The following EFCAB5 variants were observed in gnomAD, a reference collection of about 807,000 sequenced individuals.
EFCAB5 encodes EF-hand calcium-binding domain-containing protein 5.
EFCAB5 carries 131 observed loss-of-function variants against 167.9 expected under a neutral mutation model. The observed-to-expected ratio is 0.78, with a 90% confidence interval of 0.68 to 0.90. The LOEUF is 0.90. EFCAB5 is among the 40% of genes least tolerant of loss of function. The pLI is 0.00. For synonymous variants in EFCAB5, 574 were observed against 602.8 expected, an observed-to-expected ratio of 0.95 and a Z score of 0.70; for missense variants, 1,663 against 1,745.2, an observed-to-expected ratio of 0.95 and a Z score of 0.84.
intron 7 of EFCAB5, among the ~76,000 whole-genome samples, chr17:30,017,932 T>A (rs917401989): frequency 3.3e-5 from 5 of 152,174 alleles, no homozygotes; most frequent in African/African-American, 9.6e-5. Context: ...TTACAATGTG[T>A]TTTGCTATTC....
At chr17:30,022,797 A>C (rs560256023) in intron 7 of EFCAB5, among the ~76,000 whole-genome samples, 133 of 152,342 alleles carry the variant, frequency 8.7e-4, no homozygotes, top group African/African-American at 2.9e-3. Flanking sequence ...GAACACTAGC[A>C]AATGTAAAAG....
chr17:30,004,076 C>G (rs1044367081), intron 7 of EFCAB5, among the ~76,000 whole-genome samples: 2 of 152,200 alleles, frequency 1.3e-5, no homozygotes, highest in Non-Finnish European at 2.9e-5. Context: ...AGACTGAATA[C>G]CAGGTCACCA....
chr17:30,085,537 G>A (rs1188449948), intron 18 of EFCAB5, among the ~76,000 whole-genome samples: 1 of 152,076 alleles, frequency 6.6e-6, no homozygotes, highest in African/African-American at 2.4e-5. Context: ...TGGCTAACAT[G>A]GTGAAACCCC....
rs375727099 is a variant in EFCAB5 at position 30,053,895 on chromosome 17, A to G, written c.1941A>G (p.Pro647=). ...TCAGAGAGTCAGTAATAGAAGAACC[A>G]TACCAAAAATCAGAACAAGGACCTT... ...GSLRESVIEE[P]YQKSEQGPYG... Residue 647 remains proline (P), a synonymous_variant, in exon 10 of 23, where the codon CCA becomes CCG. Transcript: ENST00000394835. The G allele has an allele frequency of 8.9e-4, 1,436 of 1,614,060 alleles. 8 individuals are homozygous for G. Among genetic ancestry groups the G allele is most frequent in the Non-Finnish European group, 3.8e-4 (452 of 1,179,892 alleles).
chr17:30,042,937 T>C (rs996301891), intron 8 of EFCAB5, among the ~76,000 whole-genome samples: 2 of 152,108 alleles, frequency 1.3e-5, no homozygotes, highest in East Asian at 3.8e-4. Context: ...AAAGATGATA[T>C]ATAAGGATCA....
At chr17:30,103,637 C>T (rs2071408556) in intron 22 of EFCAB5, among the ~76,000 whole-genome samples, 1 of 152,254 alleles carries the variant, frequency 6.6e-6, no homozygotes, top group East Asian at 1.9e-4. Context: ...GCCTTTGGGA[C>T]CATATTAAAT....
chr17:29,944,919 G>A (rs148676079), intron 3 of EFCAB5, among the ~76,000 whole-genome samples: 5 of 152,058 alleles, frequency 3.3e-5, no homozygotes, highest in South Asian at 2.1e-4. Flanking sequence ...CACTGTGCCC[G>A]GCCAACACTG....
At chr17:30,086,087 C>G (rs558902541) in intron 18 of EFCAB5, among the ~76,000 whole-genome samples, 1 of 152,152 alleles carries the variant, frequency 6.6e-6, no homozygotes, top group Non-Finnish European at 1.5e-5. Flanking sequence ...CCTTGAACTC[C>G]GAGACTCAAG....
At chr17:29,996,029 T>G (rs183156943) in intron 5 of EFCAB5, among the ~76,000 whole-genome samples, 1 of 152,334 alleles carries the variant, frequency 6.6e-6, no homozygotes, top group East Asian at 1.9e-4. Context: ...TTCTTCAAGC[T>G]AGATCTTGTT....
At chr17:30,024,281 C>T (rs1427390613) in intron 7 of EFCAB5, among the ~76,000 whole-genome samples, 1 of 152,040 alleles carries the variant, frequency 6.6e-6, no homozygotes. Context: ...ATCTAGAAAA[C>T]CCCATTGTCT....
chr17:29,936,188 G>C (rs925716485), intron 1 of EFCAB5, among the ~76,000 whole-genome samples: 1 of 152,140 alleles, frequency 6.6e-6, no homozygotes, highest in East Asian at 1.9e-4. Context: ...CCATCATTCT[G>C]AGCAAACGAT....
intron 5 of EFCAB5, among the ~76,000 whole-genome samples, chr17:29,993,984 G>T (rs1018120793): frequency 1.3e-5 from 2 of 150,796 alleles, no homozygotes; most frequent in Non-Finnish European, 3.0e-5. Flanking sequence ...CCAGGCTGTG[G>T]TTCCAGCTTC....
At chr17:30,083,364 T>C (rs561060044) in intron 18 of EFCAB5, among the ~76,000 whole-genome samples, 138 of 152,310 alleles carry the variant, frequency 9.1e-4, no homozygotes, top group African/African-American at 3.2e-3. Context: ...TTTCCCTCTG[T>C]ACATTGGTTT....
chr17:30,016,066 A>G (rs530587407), intron 7 of EFCAB5, among the ~76,000 whole-genome samples: 185 of 152,264 alleles, frequency 1.2e-3, no homozygotes, highest in African/African-American at 4.3e-3. Flanking sequence ...ATCTCATTTT[A>G]AAATTGGGTT....
intron 7 of EFCAB5, among the ~76,000 whole-genome samples, chr17:30,028,934 C>A (rs2069404316): frequency 6.6e-6 from 1 of 152,060 alleles, no homozygotes; most frequent in African/African-American, 2.4e-5. Flanking sequence ...ATTTAATTAC[C>A]TCTTTAAAGA....
At chr17:30,024,334 T>C (rs998638112) in intron 7 of EFCAB5, among the ~76,000 whole-genome samples, 2 of 152,142 alleles carry the variant, frequency 1.3e-5, no homozygotes, top group African/African-American at 4.8e-5. Context: ...TTCAGCGAAG[T>C]CTCAGGATAC....
At chr17:30,034,530 A>G in intron 8 of EFCAB5, 145 bp downstream of exon 8, 1 of 874,768 alleles carries the variant, frequency 1.1e-6, no homozygotes. Context: ...GAAACCCCAT[A>G]TCTACAAAAT....
At chr17:29,967,013 G>A (rs893747150) in intron 3 of EFCAB5, among the ~76,000 whole-genome samples, 1 of 151,982 alleles carries the variant, frequency 6.6e-6, no homozygotes, top group African/African-American at 2.4e-5. Flanking sequence ...ACCAAGATGT[G>A]AGCACTAGAT....
chr17:30,045,482 C>T (rs1275181294), intron 8 of EFCAB5, among the ~76,000 whole-genome samples: 2 of 143,394 alleles, frequency 1.4e-5, no homozygotes, highest in East Asian at 4.1e-4. Context: ...AAAAAAGAGA[C>T]ATAAGGGAGC....
Sources: gnomAD v4.1 joint callset for allele counts (sites outside exome capture counted in the v4.1 genomes callset) on GRCh38, gnomAD v4.1.1 for gene constraint, MANE v1.5 for transcripts, NCBI Gene and HGNC (gene_info 2026-07-23, HGNC 2026-07-21) for gene names.